TEAD1: variants seen among roughly 807,000 people sequenced by gnomAD.
The protein encoded by TEAD1 is transcriptional enhancer factor TEF-1.
TEAD1 carries 9 observed loss-of-function variants against 54.9 expected under a neutral mutation model. The observed-to-expected ratio is 0.16, with a 90% CI of 0.10 to 0.29. TEAD1 has a LOEUF of 0.29. Among genes scored for constraint, TEAD1 ranks in the 10% least tolerant of loss-of-function variants. TEAD1 has a pLI of 1.00. For missense variants in TEAD1, 387 were observed against 535.9 expected, an observed-to-expected ratio of 0.72 and a Z score of 2.74; for synonymous variants, 200 against 187.8, an observed-to-expected ratio of 1.07 and a Z score of -0.53.
At position 12,941,634 on chromosome 11, in the gene TEAD1, C is replaced by G. The variant is rs1026880575; in HGVS notation, c.*4412C>G. On this transcript the variant is annotated 3_prime_UTR_variant, in exon 13 of 13. Coordinates refer to ENST00000527636, the MANE Select transcript of TEAD1 (RefSeq NM_021961.6). ...TAATTCTGTTTGTCAGTGTTCACAC[C>G]TGTAACATTAGGAGGATATGTCTGC... is the stretch of plus-strand genomic sequence containing the variant. 6.6e-6 allele frequency: 1 copy of G among 152,610 alleles called. No homozygotes were observed. The highest frequency in any genetic ancestry group is 6.5e-5 in the Admixed American group (1 of 15,274). The allele number at this position is 152,610 out of a possible 1,614,324, so 9.5% of individuals were successfully genotyped here.
chr11:12,884,702 G>A (rs1184718397), intron 9 of TEAD1, among the ~76,000 whole-genome samples: 2 of 152,142 alleles, frequency 1.3e-5, no homozygotes, highest in African/African-American at 4.8e-5. Flanking sequence ...AATGTAAATT[G>A]GGCCCATCAG....
intron 2 of TEAD1, among the ~76,000 whole-genome samples, chr11:12,729,940 A>G (rs993143505): frequency 2.2e-4 from 34 of 152,344 alleles, no homozygotes; most frequent in African/African-American, 8.2e-4. Context: ...CTGCAGATTC[A>G]CAGCGCAGCA....
intron 10 of TEAD1, among the ~76,000 whole-genome samples, chr11:12,910,719 A>C (rs1249925288): frequency 1.3e-5 from 2 of 150,822 alleles, no homozygotes; most frequent in Non-Finnish European, 2.9e-5. Context: ...CAGTGTAAAC[A>C]ATACTGTCTA....
chr11:12,846,009 C>A (rs992724787), intron 3 of TEAD1, among the ~76,000 whole-genome samples: 1 of 152,200 alleles, frequency 6.6e-6, no homozygotes, highest in Non-Finnish European at 1.5e-5. Flanking sequence ...CTTTGATCTG[C>A]GAATCAGGCC....
At chr11:12,739,351 A>C (rs1944604977) in intron 2 of TEAD1, among the ~76,000 whole-genome samples, 1 of 152,218 alleles carries the variant, frequency 6.6e-6, no homozygotes, top group Non-Finnish European at 1.5e-5. Context: ...TATTAAGTGC[A>C]TTGACATTGT....
rs762076005 is a variant in TEAD1 at position 12,881,945 on chromosome 11, G to A, written c.562G>A (p.Ala188Thr). The A allele has an allele frequency of 1.2e-6, 2 of 1,614,184 alleles. No homozygotes were observed. The highest frequency in any genetic ancestry group is 1.7e-6 in the Non-Finnish European group (2 of 1,180,032). Residue 188 changes from alanine to threonine, a missense_variant, in exon 8 of 13, where the codon GCC becomes ACC. Physicochemically the swap from Ala to Thr is moderately conservative, Grantham distance 58 (BLOSUM62 0). Coordinates refer to ENST00000527636, the MANE Select transcript of TEAD1 (RefSeq NM_021961.6). ...CTACCCCATCCAGCCAGCGGTCACAGCCCCCATTCCAGGTGAGTGTCCCTG... is the reference window on the plus strand; with the variant it reads ...CTACCCCATCCAGCCAGCGGTCACAACCCCCATTCCAGGTGAGTGTCCCTG...
chr11:12,883,159 AG>A, intron 9 of TEAD1, 34 bp downstream of exon 9: 1 of 1,614,012 alleles, frequency 6.2e-7, no homozygotes, highest in Non-Finnish European at 8.5e-7. Flanking sequence ...TCTTGAATCC[AG>A]GATTTCTTTC....
At chr11:12,773,805 T>C (rs1945361188) in intron 3 of TEAD1, among the ~76,000 whole-genome samples, 1 of 152,222 alleles carries the variant, frequency 6.6e-6, no homozygotes, top group African/African-American at 2.4e-5. Context: ...TGAGGTCTTA[T>C]TTATTAGTTT....
chr11:12,744,132 G>A (rs1352724639), intron 2 of TEAD1, among the ~76,000 whole-genome samples: 1 of 152,156 alleles, frequency 6.6e-6, no homozygotes, highest in Non-Finnish European at 1.5e-5. Context: ...AAGGCGTTTG[G>A]ACAGTGTCAC....
intron 4 of TEAD1, 76 bp downstream of exon 4, chr11:12,862,390 T>C (rs1169444951): frequency 2.2e-6 from 3 of 1,389,238 alleles, no homozygotes; most frequent in East Asian, 4.6e-5. Flanking sequence ...TGGCTGGCTA[T>C]GCTTTGGCTC....
chr11:12,778,345 G>T (rs1463807371), intron 3 of TEAD1, among the ~76,000 whole-genome samples: 1 of 152,036 alleles, frequency 6.6e-6, no homozygotes, highest in Non-Finnish European at 1.5e-5. Context: ...GAAAGAATGG[G>T]CTTTCCTGGT....
intron 3 of TEAD1, among the ~76,000 whole-genome samples, chr11:12,805,852 C>T (rs899006697): frequency 4.6e-5 from 7 of 152,260 alleles, no homozygotes; most frequent in African/African-American, 1.7e-4. Context: ...CCGTTTGTTG[C>T]TTCTCTAGAT....
At chr11:12,729,099 G>A (rs1342498233) in intron 2 of TEAD1, among the ~76,000 whole-genome samples, 1 of 152,220 alleles carries the variant, frequency 6.6e-6, no homozygotes, top group African/African-American at 2.4e-5. Context: ...ACATCTGCTA[G>A]AACAGGACTT....
At chr11:12,914,571 C>T (rs1209387577) in intron 10 of TEAD1, among the ~76,000 whole-genome samples, 1 of 152,146 alleles carries the variant, frequency 6.6e-6, no homozygotes, top group African/African-American at 2.4e-5. Context: ...CCCAGCTTCC[C>T]CACCCACCCC....
Position 12,924,763 on chromosome 11 carries a change from GGT to G in TEAD1, c.874-148_874-147del. The G allele has an allele frequency of 7.9e-6, 7 of 889,938 alleles. No individual in the cohort carries two copies. In the South Asian group the frequency reaches 9.6e-5, roughly 12 times the overall value. 55.1% of individuals were successfully genotyped at this position (889,938 alleles called of 1,614,324 possible). ...CAAACTCTTTAAAAAACGACAGATG[GGT>G]ATTGAACTTGTTTCTAGATGAGCAT... On this transcript the variant is annotated intron_variant, in intron 10 of 12. Coordinates refer to ENST00000527636, the MANE Select transcript of TEAD1 (RefSeq NM_021961.6).
chr11:12,759,046 A>AT (rs879313277), intron 2 of TEAD1, among the ~76,000 whole-genome samples: 2,130 of 147,496 alleles, frequency 0.014, 40 homozygotes, highest in African/African-American at 0.049. Flanking sequence ...AGCCATAATG[A>AT]TTTTTTTTTT....
chr11:12,794,444 AAAC>A, intron 3 of TEAD1, among the ~76,000 whole-genome samples: 1 of 152,316 alleles, frequency 6.6e-6, no homozygotes, highest in East Asian at 1.9e-4. Flanking sequence ...AAAAAGAAAA[AAAC>A]AGCCCTCATG....
chr11:12,758,372 C>G (rs1043600405), intron 2 of TEAD1, among the ~76,000 whole-genome samples: 1 of 145,956 alleles, frequency 6.9e-6, no homozygotes, highest in African/African-American at 2.6e-5. Context: ...TCCTGAGCAG[C>G]TGGTTATAGG....
At chr11:12,790,821 T>A (rs1945785465) in intron 3 of TEAD1, among the ~76,000 whole-genome samples, 2 of 152,204 alleles carry the variant, frequency 1.3e-5, no homozygotes, top group Non-Finnish European at 2.9e-5. Flanking sequence ...GAGTTACCAC[T>A]TCATACCCTC....
Sources: allele counts gnomAD v4.1 joint callset (sites outside exome capture counted in the v4.1 genomes callset), GRCh38; gene constraint gnomAD v4.1.1; transcripts MANE v1.5; gene names NCBI Gene and HGNC (gene_info 2026-07-23, HGNC 2026-07-21).